Variants in PCDH15 observed in about 807,000 individuals in gnomAD.
The protein encoded by PCDH15 is protocadherin-15.
In PCDH15, 129 loss-of-function variants were observed where a neutral mutation model predicts 178.5. The ratio of observed to expected loss-of-function variants is 0.72; its 90% confidence interval spans 0.63 to 0.84. The LOEUF (loss-of-function observed/expected upper bound fraction) is 0.84, where lower values mean the gene tolerates loss of function less well. Among genes scored for constraint, PCDH15 ranks in the 40% least tolerant of loss-of-function variants. The pLI, the probability that PCDH15 is intolerant of heterozygous loss-of-function variation, is 0.00. For synonymous variants in PCDH15, 800 were observed against 732.0 expected (o/e 1.09, Z -1.50); for missense variants, 2,230 against 2,099.9 (o/e 1.06, Z -1.21).
intron 26 of PCDH15, among the ~76,000 whole-genome samples, chr10:53,869,334 TCAA>T (rs2079666993): frequency 6.6e-6 from 1 of 152,044 alleles, no homozygotes; most frequent in Admixed American, 6.6e-5. Context: ...TTATAATCAC[TCAA>T]CAAAGGATAG....
chr10:54,899,934 T>A (rs200561042), intron 2 of PCDH15, among the ~76,000 whole-genome samples: 2 of 150,768 alleles, frequency 1.3e-5, no homozygotes, highest in South Asian at 2.1e-4. Context: ...TAAAGTGCTT[T>A]AAAAAAAAAG....
intron 26 of PCDH15, among the ~76,000 whole-genome samples, chr10:53,882,864 G>T (rs996632561): frequency 2.0e-5 from 3 of 151,912 alleles, no homozygotes; most frequent in Admixed American, 6.6e-5. Flanking sequence ...AATGTAAATG[G>T]CCAATAGTCT....
chr10:54,722,652 T>G (rs960233289), intron 1 of PCDH15, among the ~76,000 whole-genome samples: 30 of 151,040 alleles, frequency 2.0e-4, no homozygotes, highest in African/African-American at 7.3e-4. Flanking sequence ...CCCTAATGAC[T>G]CCCCCAGAAG....
chr10:54,194,457 C>A (rs1469874432), intron 11 of PCDH15, among the ~76,000 whole-genome samples: 1 of 151,934 alleles, frequency 6.6e-6, no homozygotes, highest in East Asian at 1.9e-4. Context: ...TCCATCATCA[C>A]AAAAAAATCC....
At chr10:54,442,197 G>T (rs2075828882) in intron 3 of PCDH15, among the ~76,000 whole-genome samples, 1 of 150,442 alleles carries the variant, frequency 6.6e-6, no homozygotes, top group Non-Finnish European at 1.5e-5. Context: ...GGTATGTGGT[G>T]GGGTATAAAA....
chr10:55,286,542 C>A (rs943337943), intron 1 of PCDH15, among the ~76,000 whole-genome samples: 2 of 151,164 alleles, frequency 1.3e-5, no homozygotes, highest in African/African-American at 4.9e-5. Context: ...ATTCATTCAG[C>A]AAATATTTAT....
At chr10:53,998,202 T>C (rs118173836) in intron 20 of PCDH15, among the ~76,000 whole-genome samples, 4 of 152,288 alleles carry the variant, frequency 2.6e-5, no homozygotes, top group Non-Finnish European at 5.9e-5. Context: ...TAGTTAAGAA[T>C]TGTATCACTA....
intron 17 of PCDH15, among the ~76,000 whole-genome samples, chr10:54,072,223 A>AT (rs1565184538): frequency 1.3e-5 from 2 of 152,136 alleles, no homozygotes; most frequent in Admixed American, 6.5e-5. Context: ...GAATTCAATC[A>AT]TTTTTTGTTT....
intron 2 of PCDH15, among the ~76,000 whole-genome samples, chr10:55,010,509 A>G (rs1195162094): frequency 6.6e-6 from 1 of 152,122 alleles, no homozygotes; most frequent in East Asian, 1.9e-4. Context: ...CTTGCAGTGA[A>G]TAGGTCGCTG....
upstream of PCDH15, among the ~76,000 whole-genome samples, chr10:54,804,455 T>G (rs1453477323): frequency 6.6e-6 from 1 of 152,172 alleles, no homozygotes; most frequent in East Asian, 1.9e-4. Flanking sequence ...AAGTGATGAT[T>G]ATTGTAGAGA....
At chr10:54,051,357 T>C (rs1422773273) in intron 18 of PCDH15, among the ~76,000 whole-genome samples, 2 of 152,132 alleles carry the variant, frequency 1.3e-5, no homozygotes, top group African/African-American at 4.8e-5. Context: ...GTGGGAAACT[T>C]TGGAACTCTC....
At chr10:54,643,052 A>T (rs1302320455) in intron 2 of PCDH15, among the ~76,000 whole-genome samples, 1 of 152,144 alleles carries the variant, frequency 6.6e-6, no homozygotes, top group East Asian at 1.9e-4. Flanking sequence ...CCTCCCGAGT[A>T]GCTGGGATTA....
At chr10:54,278,195 A>C (rs188105695) in intron 8 of PCDH15, among the ~76,000 whole-genome samples, 151 of 151,652 alleles carry the variant, frequency 1.0e-3, no homozygotes, top group African/African-American at 3.6e-3. Flanking sequence ...AGGTCGATGT[A>C]ATTGGTTCTA....
intron 2 of PCDH15, among the ~76,000 whole-genome samples, chr10:55,328,112 C>A (rs1319926230): frequency 1.3e-5 from 2 of 151,916 alleles, no homozygotes; most frequent in African/African-American, 4.8e-5. Context: ...ATATAACCAT[C>A]TTTCCCTTAT....
intron 2 of PCDH15, among the ~76,000 whole-genome samples, chr10:55,393,726 A>G (rs746199058): frequency 9.2e-5 from 14 of 152,160 alleles, no homozygotes; most frequent in Non-Finnish European, 1.2e-4. Context: ...AACCCAGATC[A>G]CAACTCTGAT....
chr10:55,491,026 A>T (rs1840400988), intron 2 of PCDH15, among the ~76,000 whole-genome samples: 1 of 151,746 alleles, frequency 6.6e-6, no homozygotes, highest in Non-Finnish European at 1.5e-5. Flanking sequence ...TGTCTGGAAA[A>T]TTTTCTAAGA....
At chr10:53,987,021 T>C (rs2091150637) in intron 21 of PCDH15, among the ~76,000 whole-genome samples, 1 of 152,142 alleles carries the variant, frequency 6.6e-6, no homozygotes, top group African/African-American at 2.4e-5. Flanking sequence ...TAAAATTTTA[T>C]TGAGCTGATA....
chr10:55,586,137 T>C (rs1564467609), intron 2 of PCDH15, among the ~76,000 whole-genome samples: 3 of 152,062 alleles, frequency 2.0e-5, no homozygotes, highest in Non-Finnish European at 4.4e-5. Context: ...TGAACAGAAA[T>C]CTCATGACAT....
chr10:55,475,474 A>G (rs111939835), intron 2 of PCDH15, among the ~76,000 whole-genome samples: 228 of 152,332 alleles, frequency 1.5e-3, no homozygotes, highest in African/African-American at 5.2e-3. Flanking sequence ...TTAAAAATGT[A>G]TACAGGTTAA....
Sources: gnomAD v4.1 joint callset for allele counts (sites outside exome capture counted in the v4.1 genomes callset) on GRCh38, gnomAD v4.1.1 for gene constraint, MANE v1.5 for transcripts, NCBI Gene and HGNC (gene_info 2026-07-23, HGNC 2026-07-21) for gene names.